VPS13C: variants seen among roughly 807,000 people sequenced by gnomAD.
The protein encoded by VPS13C is intermembrane lipid transfer protein VPS13C.
Under a neutral mutation model 456.8 loss-of-function variants are expected in VPS13C, and 358 were observed. The ratio of observed to expected loss-of-function variants is 0.78; its 90% confidence interval spans 0.72 to 0.86. VPS13C has a LOEUF of 0.86. VPS13C is among the 40% of genes least tolerant of loss of function. The pLI, the probability that VPS13C is intolerant of heterozygous loss-of-function variation, is 0.00. For missense variants in VPS13C, 4,818 were observed against 4,385.4 expected (o/e 1.10, Z -2.79); for synonymous variants, 1,578 against 1,486.7 (o/e 1.06, Z -1.41).
At chr15:62,008,910 T>G (rs1486220832) in intron 13 of VPS13C, 149 bp from the exon 14 acceptor site, 11 of 403,882 alleles carry the variant, frequency 2.7e-5, no homozygotes, top group Non-Finnish European at 4.7e-5. Flanking sequence ...TCATCAAATT[T>G]AAGATGCTAT....
chr15:61,936,803 A>G, intron 47 of VPS13C, 53 bp from the exon 48 acceptor site: 2 of 1,498,872 alleles, frequency 1.3e-6, no homozygotes, highest in Non-Finnish European at 1.8e-6. Context: ...AATGTAGACT[A>G]TCATATCTAT....
At position 61,969,197 on chromosome 15, in the gene VPS13C, T is replaced by C. The variant is rs547472415; in HGVS notation, c.2911+102A>G. 5.8e-5 allele frequency: 49 copies of C among 849,496 alleles called. No homozygotes were observed. In the East Asian group the frequency reaches 1.3e-3, roughly 23 times the overall value. The allele number at this position is 849,496 out of a possible 1,614,324, so 52.6% of individuals were successfully genotyped here. A position where few individuals can be genotyped will look rare whatever the true frequency, so the allele number is the denominator to read the frequency against. The stretch of plus-strand genomic sequence containing the variant: ...TACTTGTAAAGTGCTTACAACAGTG[T>C]AGCTATTATTTATTATAAATACAAT... On this transcript the variant is annotated intron_variant, in intron 28 of 84. Coordinates refer to ENST00000644861, the MANE Select transcript of VPS13C (RefSeq NM_020821.3).
intron 30 of VPS13C, among the ~76,000 whole-genome samples, chr15:61,965,513 T>TA (rs1400227339): frequency 6.6e-6 from 1 of 151,928 alleles, no homozygotes; most frequent in Non-Finnish European, 1.5e-5. Context: ...GCTCTGTTTA[T>TA]AAAAATGAAT....
In VPS13C at chr15:62,000,688, T is replaced by G. The variant is rs536499006; in HGVS notation, c.1291-62A>C. The G allele has an allele frequency of 7.2e-4, 1,023 of 1,430,046 alleles. 5 individuals are homozygous for G. Among genetic ancestry groups the G allele is most frequent in the South Asian group, 6.7e-3 (497 of 73,982 alleles). The allele number at this position is 1,430,046 out of a possible 1,614,324, so 88.6% of individuals were successfully genotyped here. A position where few individuals can be genotyped will look rare whatever the true frequency, so the allele number is the denominator to read the frequency against. On this transcript the variant is annotated intron_variant, in intron 15 of 84. Coordinates refer to ENST00000644861, the MANE Select transcript of VPS13C (RefSeq NM_020821.3). ...AATCATTAGATAAAAGAAATTTTTC[T>G]TTCATGATTTCTAGGCATATCTAGT...
intron 75 of VPS13C, 54 bp downstream of exon 75, chr15:61,876,919 G>A: frequency 7.3e-7 from 1 of 1,371,256 alleles, no homozygotes; most frequent in Non-Finnish European, 1.0e-6. Flanking sequence ...ACATGCAAAT[G>A]TTTTGATATT....
intron 53 of VPS13C, among the ~76,000 whole-genome samples, chr15:61,924,689 T>C (rs1421394960): frequency 6.6e-6 from 1 of 152,180 alleles, no homozygotes; most frequent in Admixed American, 6.5e-5. Context: ...TTTTAAAATA[T>C]TGAGAAAAAA....
chr15:62,002,608 G>C (rs994168750), intron 15 of VPS13C, among the ~76,000 whole-genome samples: 2 of 152,174 alleles, frequency 1.3e-5, no homozygotes, highest in African/African-American at 2.4e-5. Flanking sequence ...CCTATGTCCT[G>C]AATGGTAATG....
chr15:61,905,527 TCAGA>T (rs1279616570), intron 66 of VPS13C, among the ~76,000 whole-genome samples: 2 of 152,166 alleles, frequency 1.3e-5, no homozygotes, highest in Admixed American at 6.6e-5. Context: ...GACTTTGAAG[TCAGA>T]CAGATCTGAT....
At chr15:62,018,825 T>G (rs867661151) in intron 9 of VPS13C, among the ~76,000 whole-genome samples, 2 of 152,304 alleles carry the variant, frequency 1.3e-5, no homozygotes, top group Middle Eastern at 3.4e-3. Flanking sequence ...GAGGATTCCC[T>G]CTTTTTCTAT....
rs1223480671 is a variant in VPS13C at position 61,964,686 on chromosome 15, G to A, written c.3214+13C>T. The A allele has an allele frequency of 1.3e-6, 2 of 1,588,062 alleles. No homozygotes were observed. Among genetic ancestry groups the A allele is most frequent in the Admixed American group, 1.9e-5 (1 of 53,894 alleles). On this transcript the variant is annotated intron_variant, in intron 31 of 84. Coordinates refer to ENST00000644861, the MANE Select transcript of VPS13C (RefSeq NM_020821.3). Reference sequence around the variant, plus strand: ...ACCCTTGCTAACAAAAAACAAAAATGTATGTTTCATACCTTTTGGCAGAGT... The same window carrying A: ...ACCCTTGCTAACAAAAAACAAAAATATATGTTTCATACCTTTTGGCAGAGT...
At chr15:61,945,678 G>T in intron 45 of VPS13C, 37 bp downstream of exon 45, 1 of 1,483,074 alleles carries the variant, frequency 6.7e-7, no homozygotes, top group Non-Finnish European at 9.1e-7. Flanking sequence ...AGATATTTAG[G>T]CCTCAGTGAG....
At position 62,020,544 on chromosome 15, in the gene VPS13C, A is replaced by G; in HGVS notation, c.625-6T>C. ...GGCCGCTTTGGATCAGTGACCTACC[A>G]AAGAAGAAAAGATAACAGTAAAATA... On this transcript the variant is annotated splice_region_variant and splice_polypyrimidine_tract_variant and intron_variant, in intron 8 of 84. Coordinates refer to ENST00000644861, the MANE Select transcript of VPS13C (RefSeq NM_020821.3). The G allele has an allele frequency of 6.2e-7, 1 of 1,610,944 alleles. No homozygotes were observed.
rs1427046921 is a variant in VPS13C, at chr15:61,853,919, G to C, written c.*538C>G. On this transcript the variant is annotated 3_prime_UTR_variant, in exon 85 of 85. Transcript: ENST00000644861. ...TACCCAGGCGTGGTGGCACACACCTGTAATCCCAGCTACTCAGGAGGCTGA... is the reference window on the plus strand; with the variant it reads ...TACCCAGGCGTGGTGGCACACACCTCTAATCCCAGCTACTCAGGAGGCTGA... 1 of 152,670 alleles carries C rather than the reference G, an allele frequency of 6.6e-6. No homozygotes were observed. The highest frequency in any genetic ancestry group is 1.5e-5 in the Non-Finnish European group (1 of 68,916). 9.5% of individuals were successfully genotyped at this position (152,670 alleles called of 1,614,324 possible).
In VPS13C at chr15:61,883,180, C is replaced by T. The variant is rs1034736677; in HGVS notation, c.9484-444G>A. ...TGAGACTACAGATGTGACACCATGC[C>T]CAGCTAATTTTAATTTTATTATCTT... On this transcript the variant is annotated intron_variant, in intron 68 of 84. Transcript: ENST00000644861. Among the ~76,000 whole-genome samples the T allele has an allele frequency of 1.3e-4, 19 of 151,326 alleles. No individual in the cohort carries two copies. The South Asian group carries it at 4.0e-3, about 32-fold the overall frequency.
Position 61,963,821 on chromosome 15 carries a change from G to A in VPS13C, c.3331+14C>T, listed in dbSNP as rs764575550. On this transcript the variant is annotated intron_variant, in intron 32 of 84. Coordinates refer to ENST00000644861, the MANE Select transcript of VPS13C (RefSeq NM_020821.3). ...TATCTTTTCGCCAATTTTCAATGCC[G>A]TGTGAACTTTTACCTTGAATCTTGA... 19 of 1,567,578 alleles carry A rather than the reference G, an allele frequency of 1.2e-5. No homozygotes were observed. The highest frequency in any genetic ancestry group is 4.1e-5 in the African/African-American group (3 of 73,798).
At chr15:61,872,741 GTTTT>G (rs1405778707) in intron 78 of VPS13C, among the ~76,000 whole-genome samples, 3 of 151,910 alleles carry the variant, frequency 2.0e-5, no homozygotes, top group African/African-American at 7.3e-5. Flanking sequence ...TACTTATAAT[GTTTT>G]ATTTACTTAT....
chr15:62,046,681 T>C (rs1226790814), intron 1 of VPS13C, among the ~76,000 whole-genome samples: 1 of 152,232 alleles, frequency 6.6e-6, no homozygotes, highest in Non-Finnish European at 1.5e-5. Context: ...AGAGATGAAG[T>C]CTTTATAACA....
chr15:61,871,891 T>A, intron 79 of VPS13C, 98 bp downstream of exon 79: 1 of 1,057,924 alleles, frequency 9.5e-7, no homozygotes, highest in East Asian at 2.5e-5. Context: ...AGTCAGTAAT[T>A]TTCTCAATCA....
chr15:61,917,479 C>T lies in VPS13C; in HGVS notation c.7917G>A (p.Val2639=), dbSNP rs762897573. The T allele has an allele frequency of 5.0e-6, 8 of 1,613,918 alleles. No homozygotes were observed. In the African/African-American group the frequency reaches 8.0e-5, roughly 16 times the overall value. The change falls in exon 60 of 85, where the codon GTG becomes GTA. Residue 2639 remains valine, a synonymous_variant. Coordinates refer to ENST00000644861, the MANE Select transcript of VPS13C (RefSeq NM_020821.3). ...ATTCATCAGGCAGAGCAACTGTATT[C>T]ACTATGAGAGGTAAGAAGCTGACTT... ...SVEVSFLPLI[V]NTVALPDELS...
Sources: allele counts gnomAD v4.1 joint callset (sites outside exome capture counted in the v4.1 genomes callset), GRCh38; gene constraint gnomAD v4.1.1; transcripts MANE v1.5; gene names NCBI Gene and HGNC (gene_info 2026-07-23, HGNC 2026-07-21).